TNFRSF13B: variants seen among roughly 807,000 people sequenced by gnomAD.
TNFRSF13B encodes TNF receptor superfamily member 13B.
TNFRSF13B carries 34 observed loss-of-function variants against 24.0 expected under a neutral mutation model. The ratio of observed to expected loss-of-function variants is 1.41; its 90% CI spans 1.08 to 1.88. The LOEUF is 1.88. TNFRSF13B is among the 40% of genes most tolerant of loss of function. The pLI is 0.00. For missense variants in TNFRSF13B, 415 were observed against 380.8 expected (o/e 1.09, Z -0.75); for synonymous variants, 173 against 150.3 (o/e 1.15, Z -1.10).
chr17:16,945,142 A>G (rs1331181531), intron 3 of TNFRSF13B, among the ~76,000 whole-genome samples: 1 of 152,234 alleles, frequency 6.6e-6, no homozygotes, highest in African/African-American at 2.4e-5. Context: ...AAGCCGCGCC[A>G]TGGCACAAGT....
At chr17:16,969,563 C>A (rs1459386597) in intron 1 of TNFRSF13B, among the ~76,000 whole-genome samples, 3 of 152,166 alleles carry the variant, frequency 2.0e-5, no homozygotes, top group Admixed American at 1.3e-4. Flanking sequence ...GACAAAGTTT[C>A]TTTTTGGGGT....
At position 16,940,413 on chromosome 17, in the gene TNFRSF13B, C is replaced by T; in HGVS notation, c.544G>A (p.Val182Met). 6.2e-7 allele frequency: 1 copy of T among 1,614,094 alleles called. No homozygotes were observed. The highest frequency in any genetic ancestry group is 8.5e-7 in the Non-Finnish European group (1 of 1,180,030). ...CAVLCCFLVAVACFLKKRGDP... is the reference protein window; with the variant it reads ...CAVLCCFLVAMACFLKKRGDP... ...CCCCTCTTCTTGAGGAAGCAGGCCACCGCCACCAGGAAGCAGCAGAGGACG... is the reference window on the plus strand; with the variant it reads ...CCCCTCTTCTTGAGGAAGCAGGCCATCGCCACCAGGAAGCAGCAGAGGACG... The change falls in exon 4 of 5, where the codon GTG becomes ATG. Residue 182 changes from valine (V) to methionine (M), a missense_variant. Transcript: ENST00000261652.
In TNFRSF13B at chr17:16,939,314, T is replaced by A; in HGVS notation, c.*233A>T. 1 of 513,576 alleles carries A rather than the reference T, an allele frequency of 1.9e-6. No individual in the cohort carries two copies. Among genetic ancestry groups the A allele is most frequent in the Non-Finnish European group, 3.4e-6 (1 of 296,588 alleles). 31.8% of individuals were successfully genotyped at this position (513,576 alleles called of 1,614,324 possible). On this transcript the variant is annotated 3_prime_UTR_variant, in exon 5 of 5. Coordinates refer to ENST00000261652, the MANE Select transcript of TNFRSF13B (RefSeq NM_012452.3). ...CTCTCTGCCTCTCTCCCTCTCTGCC[T>A]CTCTCCTTCTCTGCCTGTCTCTTTC...
chr17:16,966,323 C>T (rs888710722), intron 1 of TNFRSF13B, among the ~76,000 whole-genome samples: 4 of 150,710 alleles, frequency 2.7e-5, no homozygotes, highest in Admixed American at 2.6e-4. Context: ...TTCTCTATGA[C>T]AACAAACACC....
intron 2 of TNFRSF13B, 115 bp downstream of exon 2, chr17:16,952,331 A>T: frequency 6.8e-7 from 1 of 1,477,364 alleles, no homozygotes; most frequent in Non-Finnish European, 9.3e-7. Context: ...GCCACACTGT[A>T]CATCTCCTCC....
intron 1 of TNFRSF13B, among the ~76,000 whole-genome samples, chr17:16,956,558 G>A (rs2087626194): frequency 6.6e-6 from 1 of 152,086 alleles, no homozygotes; most frequent in South Asian, 2.1e-4. Context: ...AACACAATGA[G>A]CACATGGTAA....
chr17:16,960,169 A>G (rs756967942), intron 1 of TNFRSF13B, among the ~76,000 whole-genome samples: 3 of 152,176 alleles, frequency 2.0e-5, no homozygotes, highest in Non-Finnish European at 4.4e-5. Context: ...GGTCTTCTCA[A>G]TTGATGCAGA....
At chr17:16,947,563 A>C (rs1057394984) in intron 3 of TNFRSF13B, among the ~76,000 whole-genome samples, 1 of 152,250 alleles carries the variant, frequency 6.6e-6, no homozygotes, top group African/African-American at 2.4e-5. Flanking sequence ...ACTTTTCAAA[A>C]GAAGACATGC....
chr17:16,940,959 A>G (rs2087505957), intron 3 of TNFRSF13B: 2 of 1,061,276 alleles, frequency 1.9e-6, no homozygotes, highest in South Asian at 6.7e-5. Flanking sequence ...GATCCCCTAC[A>G]GATACCAAAA....
chr17:16,964,089 A>T (rs922201592), intron 1 of TNFRSF13B, among the ~76,000 whole-genome samples: 1 of 152,070 alleles, frequency 6.6e-6, no homozygotes, highest in Non-Finnish European at 1.5e-5. Flanking sequence ...GAAAAGAAGG[A>T]TGAGGAAGAG....
chr17:16,972,009 A>G lies in TNFRSF13B; in HGVS notation c.61+6T>C, dbSNP rs1317936199. On this transcript the variant is annotated splice_donor_region_variant and intron_variant, in intron 1 of 4. Transcript: ENST00000261652. ...TGCCCTCCTGCCCTCCTGCCCGGCT[A>G]CTCACAGCGCTCCTCCTGGTCCACA... is the stretch of plus-strand genomic sequence containing the variant. The G allele has an allele frequency of 1.9e-6, 3 of 1,613,868 alleles. No individual in the cohort carries two copies. In the Admixed American group the frequency reaches 5.0e-5, roughly 27 times the overall value.
At chr17:16,949,154 C>A (rs1161141994) in intron 2 of TNFRSF13B, among the ~76,000 whole-genome samples, 171 bp from the exon 3 acceptor site, 1 of 152,128 alleles carries the variant, frequency 6.6e-6, no homozygotes, top group Non-Finnish European at 1.5e-5. Flanking sequence ...TATGCATTGT[C>A]CTCTAAGTAC....
chr17:16,960,472 T>A (rs1363581873), intron 1 of TNFRSF13B, among the ~76,000 whole-genome samples: 2 of 152,148 alleles, frequency 1.3e-5, no homozygotes, highest in Non-Finnish European at 2.9e-5. Flanking sequence ...GATAACCCGA[T>A]CTTATATGTA....
chr17:16,941,233 G>A lies in TNFRSF13B; in HGVS notation c.446-722C>T, dbSNP rs545530437. 2.7e-4 allele frequency: 263 copies of A among 987,496 alleles called. 1 individual carries two copies. The South Asian group carries it at 9.3e-3, about 35-fold the overall frequency. 61.2% of individuals were successfully genotyped at this position (987,496 alleles called of 1,614,324 possible). ...TTGGTTGAATCCACAGACATGGGTC[G>A]CACGACACAGAGGGCCCACTGTGTT... On this transcript the variant is annotated intron_variant, in intron 3 of 4. Transcript: ENST00000261652.
intron 3 of TNFRSF13B, among the ~76,000 whole-genome samples, chr17:16,947,889 C>T (rs926122076): frequency 6.6e-6 from 1 of 152,202 alleles, no homozygotes; most frequent in Admixed American, 6.5e-5. Flanking sequence ...CAAAAAGATA[C>T]ATACACACGT....
Position 16,941,025 on chromosome 17 carries a change from T to G in TNFRSF13B, c.446-514A>C, listed in dbSNP as rs541122699. 1.6e-5 allele frequency: 12 copies of G among 744,716 alleles called. No homozygotes were observed. In the East Asian group the frequency reaches 8.8e-4, roughly 55 times the overall value. 46.1% of individuals were successfully genotyped at this position (744,716 alleles called of 1,614,324 possible). A position where few individuals can be genotyped will look rare whatever the true frequency, so the allele number is the denominator to read the frequency against. On this transcript the variant is annotated intron_variant, in intron 3 of 4. Transcript: ENST00000261652. ...CGGCCTGGCATTTGCATATAACCTA[T>G]GCACATCCTCCTATACAATTAGAGT... is the stretch of plus-strand genomic sequence containing the variant.
intron 1 of TNFRSF13B, among the ~76,000 whole-genome samples, chr17:16,957,135 T>C (rs1406089024): frequency 2.6e-5 from 4 of 151,514 alleles, no homozygotes; most frequent in Non-Finnish European, 5.9e-5. Flanking sequence ...TCTGTACTTT[T>C]GCTGAATTTT....
At chr17:16,967,480 C>T (rs1251331476) in intron 1 of TNFRSF13B, among the ~76,000 whole-genome samples, 1 of 151,876 alleles carries the variant, frequency 6.6e-6, no homozygotes, top group African/African-American at 2.4e-5. Context: ...CCAGGCCGGG[C>T]GCAGTGGCTC....
intron 1 of TNFRSF13B, among the ~76,000 whole-genome samples, chr17:16,962,000 G>A (rs755653126): frequency 2.1e-4 from 32 of 152,138 alleles, no homozygotes; most frequent in Middle Eastern, 3.2e-3. Flanking sequence ...GATGGTGAAG[G>A]ACTTCCCCAG....
Sources: gnomAD v4.1 joint callset for allele counts (sites outside exome capture counted in the v4.1 genomes callset) on GRCh38, gnomAD v4.1.1 for gene constraint, MANE v1.5 for transcripts, NCBI Gene and HGNC (gene_info 2026-07-23, HGNC 2026-07-21) for gene names.